THSD7A: variants seen among roughly 807,000 people sequenced by gnomAD.
The protein encoded by THSD7A is thrombospondin type 1 domain containing 7A, also known as thrombospondin type-1 domain-containing protein 7A.
Under a neutral mutation model 231.3 loss-of-function variants are expected in THSD7A, and 96 were observed. The observed-to-expected ratio is 0.41, with a 90% CI of 0.35 to 0.49. The LOEUF is 0.49. Among genes scored for constraint, THSD7A ranks in the 20% least tolerant of loss-of-function variants. The pLI is 0.05. For synonymous variants in THSD7A, 940 were observed against 743.3 expected (o/e 1.26, Z -4.30); for missense variants, 2,290 against 2,070.2 (o/e 1.11, Z -2.06).
At chr7:11,742,315 T>G (rs1037547290) in intron 1 of THSD7A, among the ~76,000 whole-genome samples, 1 of 151,918 alleles carries the variant, frequency 6.6e-6, no homozygotes, top group Non-Finnish European at 1.5e-5. Context: ...CATTTAAAAT[T>G]TAATTCCCCT....
chr7:11,771,703 G>C (rs1410632425), intron 1 of THSD7A, among the ~76,000 whole-genome samples: 2 of 151,964 alleles, frequency 1.3e-5, no homozygotes, highest in Non-Finnish European at 2.9e-5. Context: ...ATCGCTAATT[G>C]ATAAGGTTTG....
intron 6 of THSD7A, among the ~76,000 whole-genome samples, chr7:11,524,119 T>C (rs961358723): frequency 6.6e-6 from 1 of 152,188 alleles, no homozygotes; most frequent in Non-Finnish European, 1.5e-5. Flanking sequence ...TATTTCTTTA[T>C]TGCAATGTTC....
At chr7:11,616,064 T>C (rs1053699038) in intron 2 of THSD7A, among the ~76,000 whole-genome samples, 2 of 152,228 alleles carry the variant, frequency 1.3e-5, no homozygotes, top group African/African-American at 2.4e-5. Flanking sequence ...GTGCTATTTA[T>C]TGAATAATTT....
intron 1 of THSD7A, among the ~76,000 whole-genome samples, chr7:11,708,444 C>G (rs942640430): frequency 6.6e-6 from 1 of 150,582 alleles, no homozygotes; most frequent in African/African-American, 2.4e-5. Flanking sequence ...GCCAAAAGAA[C>G]AACATCTCTG....
chr7:11,436,192 TACAA>T (rs941308690), intron 13 of THSD7A, among the ~76,000 whole-genome samples: 1 of 151,784 alleles, frequency 6.6e-6, no homozygotes. Context: ...TTGTCAGGAA[TACAA>T]ACATATTTGA....
rs149262493 is a variant in THSD7A, at chr7:11,402,854, A to T, written c.4238-886T>A. ...TGAATATATCATAATTTAGATATCC[A>T]TTCTACTACTGATGGGCATGTGGGG... is the stretch of plus-strand genomic sequence containing the variant. On this transcript the variant is annotated intron_variant, in intron 22 of 27. Coordinates refer to ENST00000423059, the MANE Select transcript of THSD7A (RefSeq NM_015204.3). 2.8e-3 allele frequency among the ~76,000 whole-genome samples: 429 copies of T among 152,284 alleles called. 1 individual carries two copies. The highest frequency in any genetic ancestry group is 7.7e-3 in the Admixed American group (118 of 15,300).
chr7:11,606,592 C>T (rs1227154412), intron 2 of THSD7A, among the ~76,000 whole-genome samples: 3 of 152,052 alleles, frequency 2.0e-5, no homozygotes, highest in Admixed American at 6.6e-5. Context: ...CTCTAATAAG[C>T]ACTTATAATA....
chr7:11,439,296 T>C (rs1166081170), intron 13 of THSD7A, among the ~76,000 whole-genome samples: 4 of 152,074 alleles, frequency 2.6e-5, no homozygotes, highest in African/African-American at 9.7e-5. Flanking sequence ...TTTATTTTGC[T>C]TTGCAGATCG....
chr7:11,791,259 G>GT (rs1182778437), intron 1 of THSD7A, among the ~76,000 whole-genome samples: 1 of 151,966 alleles, frequency 6.6e-6, no homozygotes, highest in African/African-American at 2.4e-5. Flanking sequence ...CTTGCTCTGA[G>GT]TGAGTTCTCT....
intron 2 of THSD7A, among the ~76,000 whole-genome samples, chr7:11,614,896 T>C (rs750379505): frequency 6.6e-6 from 1 of 152,168 alleles, no homozygotes; most frequent in Non-Finnish European, 1.5e-5. Context: ...AAGGTGAATA[T>C]ATTTTCCTTT....
chr7:11,754,474 G>T (rs909003717), intron 1 of THSD7A, among the ~76,000 whole-genome samples: 5 of 151,982 alleles, frequency 3.3e-5, no homozygotes, highest in Non-Finnish European at 5.9e-5. Flanking sequence ...TATTATAATT[G>T]AAGAAATTAC....
Position 11,636,484 on chromosome 7 carries a change from G to A in THSD7A, c.668C>T (p.Ala223Val), listed in dbSNP as rs369097953. The change falls in exon 2 of 28, where the codon GCG (alanine) becomes GTG (valine). Residue 223 changes from alanine to valine, a missense_variant. Transcript: ENST00000423059. This position sits in a 1 kb window ranked among gnomAD's most constrained non-coding sequence, Gnocchi z 10.0. ...GLQHRTRHVV[A>V]PPQFGGSGCP... ...GCCAGAGCCTCCGAACTGCGGGGGC[G>A]CCACCACATGACGCGTCCGGTGCTG... 2.1e-5 allele frequency: 34 copies of A among 1,613,506 alleles called. No homozygotes were observed. Among genetic ancestry groups the A allele is most frequent in the Admixed American group, 1.7e-5 (1 of 59,964 alleles).
intron 6 of THSD7A, among the ~76,000 whole-genome samples, chr7:11,522,691 G>A (rs1269593900): frequency 2.6e-5 from 4 of 152,212 alleles, no homozygotes; most frequent in Admixed American, 6.5e-5. Context: ...TATCAAGGCC[G>A]TGGAAATAGT....
chr7:11,596,013 T>C (rs1447144816), intron 2 of THSD7A, among the ~76,000 whole-genome samples: 1 of 152,180 alleles, frequency 6.6e-6, no homozygotes, highest in Non-Finnish European at 1.5e-5. Flanking sequence ...GGCAGAAAAC[T>C]TCTAGGTCAA....
At chr7:11,726,467 G>A (rs1246525131) in intron 1 of THSD7A, among the ~76,000 whole-genome samples, 1 of 151,958 alleles carries the variant, frequency 6.6e-6, no homozygotes, top group Non-Finnish European at 1.5e-5. Context: ...AATGAAATCC[G>A]GGATTTCCCT....
At chr7:11,689,803 G>T in intron 1 of THSD7A, among the ~76,000 whole-genome samples, 1 of 134,274 alleles carries the variant, frequency 7.4e-6, no homozygotes, top group Admixed American at 7.9e-5. Flanking sequence ...CACCCATTTG[G>T]AATTAGTTAA....
chr7:11,803,056 G>A (rs1294013907), intron 1 of THSD7A, among the ~76,000 whole-genome samples: 1 of 152,146 alleles, frequency 6.6e-6, no homozygotes, highest in African/African-American at 2.4e-5. Context: ...AAGGGCATAT[G>A]TAATAAGATA....
At chr7:11,392,988 G>C (rs1220098068) in intron 23 of THSD7A, among the ~76,000 whole-genome samples, 1 of 152,202 alleles carries the variant, frequency 6.6e-6, no homozygotes, top group African/African-American at 2.4e-5. Flanking sequence ...ATCCCTGCCT[G>C]ATGGCTCTGA....
rs968599828 is a variant in THSD7A at position 11,634,303 on chromosome 7, C to G, written c.1022+1827G>C. On this transcript the variant is annotated intron_variant, in intron 2 of 27. Coordinates refer to ENST00000423059, the MANE Select transcript of THSD7A (RefSeq NM_015204.3). The surrounding 1 kb of genome is among the most constrained non-coding windows in gnomAD (Gnocchi z 4.1). ...TTTAAATATGTTTGTTTAATTCAAA[C>G]AACTGGATGAGAATATTAGGCTCTA... Among the ~76,000 whole-genome samples the G allele has an allele frequency of 2.0e-5, 3 of 152,078 alleles. No individual in the cohort carries two copies. The highest frequency in any genetic ancestry group is 2.9e-5 in the Non-Finnish European group (2 of 67,996).
Sources: allele counts gnomAD v4.1 joint callset (sites outside exome capture counted in the v4.1 genomes callset), GRCh38; gene constraint gnomAD v4.1.1; non-coding constraint Gnocchi (gnomAD v3.1); transcripts MANE v1.5; gene names NCBI Gene and HGNC (gene_info 2026-07-23, HGNC 2026-07-21).